The following NKAIN2 variants were observed in gnomAD, a reference collection of about 807,000 sequenced individuals.
The protein encoded by NKAIN2 is sodium/potassium-transporting ATPase subunit beta-1-interacting protein 2.
Under a neutral mutation model 32.6 loss-of-function variants are expected in NKAIN2, and 14 were observed. The observed-to-expected ratio is 0.43, with a 90% confidence interval of 0.28 to 0.67. NKAIN2 has a LOEUF of 0.67. Among genes scored for constraint, NKAIN2 ranks in the 30% least tolerant of loss-of-function variants. The pLI is 0.17. For missense variants in NKAIN2, 198 were observed against 258.3 expected, an observed-to-expected ratio of 0.77 and a Z score of 1.60; for synonymous variants, 80 against 87.2, an observed-to-expected ratio of 0.92 and a Z score of 0.46.
At chr6:124,150,583 T>G (rs1787661511) in intron 1 of NKAIN2, among the ~76,000 whole-genome samples, 1 of 152,198 alleles carries the variant, frequency 6.6e-6, no homozygotes, top group Admixed American at 6.5e-5. Flanking sequence ...ATTTAACCAG[T>G]TCCCTAATGA....
intron 3 of NKAIN2, among the ~76,000 whole-genome samples, chr6:124,577,337 A>C (rs1292971159): frequency 2.6e-5 from 4 of 152,026 alleles, no homozygotes; most frequent in Non-Finnish European, 4.4e-5. Context: ...TGCTGTCACC[A>C]CCCCTCCTGC....
chr6:124,770,285 T>A (rs1335031060), intron 4 of NKAIN2, among the ~76,000 whole-genome samples: 2 of 152,190 alleles, frequency 1.3e-5, no homozygotes, highest in African/African-American at 2.4e-5. Context: ...TTGGCTTCCC[T>A]CATGTCAGGC....
chr6:124,252,102 A>T (rs1221716305), intron 1 of NKAIN2, among the ~76,000 whole-genome samples: 1 of 152,088 alleles, frequency 6.6e-6, no homozygotes, highest in Non-Finnish European at 1.5e-5. Context: ...TAACATTTGC[A>T]ACAGCATGTG....
intron 4 of NKAIN2, among the ~76,000 whole-genome samples, chr6:124,719,216 T>A (rs1273958703): frequency 6.6e-6 from 1 of 152,192 alleles, no homozygotes; most frequent in African/African-American, 2.4e-5. Context: ...AACCATTCTA[T>A]CCCAACCTAT....
intron 1 of NKAIN2, among the ~76,000 whole-genome samples, chr6:124,172,131 G>A (rs1000386525): frequency 6.6e-6 from 1 of 152,144 alleles, no homozygotes; most frequent in African/African-American, 2.4e-5. Context: ...TTTAATGATA[G>A]TGAAGTTGAA....
At chr6:124,680,436 C>T (rs1267684636) in intron 4 of NKAIN2, among the ~76,000 whole-genome samples, 2 of 152,020 alleles carry the variant, frequency 1.3e-5, no homozygotes, top group African/African-American at 4.8e-5. Context: ...TAACATAGAA[C>T]ACTCCGTTTT....
chr6:124,790,552 A>C (rs947348725), intron 4 of NKAIN2, among the ~76,000 whole-genome samples: 22 of 152,120 alleles, frequency 1.4e-4, no homozygotes, highest in African/African-American at 4.8e-4. Flanking sequence ...GAAAACAAAT[A>C]GTTTTCCATT....
chr6:124,808,706 G>T (rs1359305091), intron 5 of NKAIN2, among the ~76,000 whole-genome samples: 1 of 152,214 alleles, frequency 6.6e-6, no homozygotes, highest in African/African-American at 2.4e-5. Flanking sequence ...CCTGTTTGCA[G>T]ATGATATGAT....
intron 3 of NKAIN2, among the ~76,000 whole-genome samples, chr6:124,476,378 T>G (rs1777212323): frequency 6.7e-6 from 1 of 149,724 alleles, no homozygotes; most frequent in African/African-American, 2.5e-5. Flanking sequence ...TTTTACTGAA[T>G]TCATATGTAT....
chr6:124,496,551 A>G (rs9398758), intron 3 of NKAIN2, among the ~76,000 whole-genome samples: 1 of 152,022 alleles, frequency 6.6e-6, no homozygotes, highest in Non-Finnish European at 1.5e-5. Context: ...TTATCAAAAC[A>G]TGTGATGAGT....
chr6:123,842,647 A>G (rs947010721), intron 1 of NKAIN2, among the ~76,000 whole-genome samples: 20 of 152,066 alleles, frequency 1.3e-4, no homozygotes, highest in Non-Finnish European at 2.6e-4. Context: ...GGCAATGATG[A>G]CTGATTTGAC....
chr6:124,353,399 A>T (rs11154219), intron 2 of NKAIN2, among the ~76,000 whole-genome samples: 34,919 of 151,752 alleles, frequency 0.23, 4,094 homozygotes, highest in Admixed American at 0.3. Context: ...TTAACCTTTT[A>T]AAAAAAATGA....
chr6:124,284,267 T>C (rs1795444978), intron 2 of NKAIN2, among the ~76,000 whole-genome samples: 1 of 152,200 alleles, frequency 6.6e-6, no homozygotes, highest in Non-Finnish European at 1.5e-5. Flanking sequence ...TTTTCTTTTA[T>C]GAATCGTAAT....
intron 1 of NKAIN2, among the ~76,000 whole-genome samples, chr6:124,053,432 C>A (rs1386001994): frequency 6.6e-6 from 1 of 152,054 alleles, no homozygotes; most frequent in Non-Finnish European, 1.5e-5. Context: ...AAGCATTAAA[C>A]ACCACCTGTC....
chr6:124,038,771 A>C (rs1781725744), intron 1 of NKAIN2, among the ~76,000 whole-genome samples: 1 of 152,130 alleles, frequency 6.6e-6, no homozygotes, highest in African/African-American at 2.4e-5. Context: ...ATACCCAAGA[A>C]GTTTCATTTT....
At position 124,584,761 on chromosome 6, in the gene NKAIN2, C is replaced by T. The variant is rs142123692; in HGVS notation, c.274-73425C>T. 3.5e-3 allele frequency among the ~76,000 whole-genome samples: 531 copies of T among 151,724 alleles called. 2 individuals carry two copies. The highest frequency in any genetic ancestry group is 5.3e-3 in the Non-Finnish European group (358 of 67,948). ...GCAAATAAAAACTACAATGGGATAT[C>T]ATCTCCTACTTAAAATGGATTTTAT... is the stretch of plus-strand genomic sequence containing the variant. On this transcript the variant is annotated intron_variant, in intron 3 of 6. Transcript: ENST00000368417.
At chr6:123,914,265 CAGAG>C (rs1297935004) in intron 1 of NKAIN2, among the ~76,000 whole-genome samples, 10 of 150,828 alleles carry the variant, frequency 6.6e-5, no homozygotes, top group African/African-American at 2.4e-4. Flanking sequence ...CAGAGACACA[CAGAG>C]AGAGACAGAG....
chr6:124,561,958 C>A (rs577796189), intron 3 of NKAIN2, among the ~76,000 whole-genome samples: 54 of 152,274 alleles, frequency 3.5e-4, no homozygotes, highest in Non-Finnish European at 6.0e-4. Flanking sequence ...TCAATCTGGG[C>A]AGATCTCATA....
chr6:124,262,476 A>G (rs764364527), intron 1 of NKAIN2, among the ~76,000 whole-genome samples: 2 of 152,214 alleles, frequency 1.3e-5, no homozygotes, highest in Non-Finnish European at 2.9e-5. Context: ...TCTTCTAAAG[A>G]AAAGTTGGAA....
Sources: allele counts gnomAD v4.1 joint callset (sites outside exome capture counted in the v4.1 genomes callset), GRCh38; gene constraint gnomAD v4.1.1; transcripts MANE v1.5; gene names NCBI Gene and HGNC (gene_info 2026-07-23, HGNC 2026-07-21).